PRKCE: variants seen among roughly 807,000 people sequenced by gnomAD.
PRKCE encodes protein kinase C epsilon type.
PRKCE carries 16 observed loss-of-function variants against 85.4 expected under a neutral mutation model. The observed-to-expected ratio is 0.19, with a 90% confidence interval of 0.13 to 0.28. The LOEUF (loss-of-function observed/expected upper bound fraction) is 0.28, where lower values mean the gene tolerates loss of function less well. PRKCE is among the 10% of genes least tolerant of loss of function. The pLI, the probability that PRKCE is intolerant of heterozygous loss-of-function variation, is 1.00. For missense variants in PRKCE, 573 were observed against 975.2 expected, an observed-to-expected ratio of 0.59 and a Z score of 5.49; for synonymous variants, 388 against 371.5, an observed-to-expected ratio of 1.04 and a Z score of -0.51.
At chr2:45,743,858 A>C (rs1030198145) in intron 1 of PRKCE, among the ~76,000 whole-genome samples, 1 of 152,174 alleles carries the variant, frequency 6.6e-6, no homozygotes, top group Non-Finnish European at 1.5e-5. Flanking sequence ...AGAAATAGGA[A>C]ACTGGCCTGG....
chr2:45,937,664 G>A (rs758297787), intron 2 of PRKCE, among the ~76,000 whole-genome samples: 7 of 151,784 alleles, frequency 4.6e-5, no homozygotes, highest in East Asian at 1.9e-4. Flanking sequence ...GTAGTGAGCC[G>A]AGATCATACC....
intron 1 of PRKCE, among the ~76,000 whole-genome samples, chr2:45,826,729 G>A (rs1689971217): frequency 2.0e-5 from 3 of 152,198 alleles, no homozygotes; most frequent in African/African-American, 4.8e-5. Context: ...CTTCTGTTCA[G>A]CCAAGGGCAG....
chr2:45,979,811 A>C (rs1702741536), intron 4 of PRKCE, among the ~76,000 whole-genome samples: 1 of 152,184 alleles, frequency 6.6e-6, no homozygotes, highest in Admixed American at 6.5e-5. Context: ...ATTAAAGTCG[A>C]TGGGAATTTT....
At chr2:45,802,675 C>T (rs1687959377) in intron 1 of PRKCE, among the ~76,000 whole-genome samples, 1 of 152,234 alleles carries the variant, frequency 6.6e-6, no homozygotes, top group Non-Finnish European at 1.5e-5. Context: ...CTCCGCCCCA[C>T]TTCACAGCCC....
chr2:45,908,371 G>T (rs542110531), intron 2 of PRKCE, among the ~76,000 whole-genome samples: 1 of 152,214 alleles, frequency 6.6e-6, no homozygotes, highest in Non-Finnish European at 1.5e-5. Context: ...AAGGACCCTA[G>T]GGTTTAGAGA....
At chr2:46,134,610 C>T (rs771882092) in intron 11 of PRKCE, among the ~76,000 whole-genome samples, 38 of 152,344 alleles carry the variant, frequency 2.5e-4, no homozygotes, top group South Asian at 4.1e-4. Flanking sequence ...AGTTCTTTCA[C>T]GGGCTCCAGC....
intron 1 of PRKCE, among the ~76,000 whole-genome samples, chr2:45,771,120 G>A (rs559151422): frequency 6.6e-6 from 1 of 152,140 alleles, no homozygotes; most frequent in Non-Finnish European, 1.5e-5. Flanking sequence ...CTGGGGAGTA[G>A]AGAATGCAGG....
intron 10 of PRKCE, among the ~76,000 whole-genome samples, chr2:46,082,248 T>C (rs1394729319): frequency 6.6e-6 from 1 of 151,830 alleles, no homozygotes; most frequent in Non-Finnish European, 1.5e-5. Context: ...CAAGGGATGA[T>C]AGTTGCTTGG....
chr2:46,125,203 T>C (rs182640937), intron 11 of PRKCE, among the ~76,000 whole-genome samples: 46 of 152,330 alleles, frequency 3.0e-4, no homozygotes, highest in African/African-American at 9.9e-4. Context: ...GGAAAATGAA[T>C]TGATGGTCAG....
intron 11 of PRKCE, among the ~76,000 whole-genome samples, chr2:46,091,553 G>A (rs969600973): frequency 2.0e-5 from 3 of 152,106 alleles, no homozygotes; most frequent in African/African-American, 4.8e-5. Context: ...AGCCAGGAGC[G>A]CTGTGCAGCA....
At chr2:46,140,340 A>G (rs1031248813) in intron 11 of PRKCE, among the ~76,000 whole-genome samples, 1 of 152,190 alleles carries the variant, frequency 6.6e-6, no homozygotes, top group Non-Finnish European at 1.5e-5. Context: ...GAGTGACGTT[A>G]TAGAATAAAA....
At chr2:46,016,544 C>G (rs1204052844) in intron 10 of PRKCE, among the ~76,000 whole-genome samples, 1 of 152,164 alleles carries the variant, frequency 6.6e-6, no homozygotes, top group Non-Finnish European at 1.5e-5. Flanking sequence ...CTTAATCTAA[C>G]TGCTGCAGCT....
chr2:45,712,860 G>A (rs930017929), intron 1 of PRKCE, among the ~76,000 whole-genome samples: 6 of 152,100 alleles, frequency 3.9e-5, no homozygotes, highest in African/African-American at 1.4e-4. Context: ...GGAGGGCGGG[G>A]ACCATGTGTC....
intron 2 of PRKCE, among the ~76,000 whole-genome samples, chr2:45,865,815 C>CTT (rs36102606): frequency 8.2e-5 from 11 of 133,676 alleles, no homozygotes; most frequent in African/African-American, 2.2e-4. Flanking sequence ...TCTTCTTCTT[C>CTT]TTTTTTTTTT....
chr2:46,152,057 T>C (rs956936692), intron 13 of PRKCE, among the ~76,000 whole-genome samples: 1 of 152,238 alleles, frequency 6.6e-6, no homozygotes, highest in African/African-American at 2.4e-5. Flanking sequence ...TGCCCCAAAA[T>C]TCAATCATTT....
intron 1 of PRKCE, among the ~76,000 whole-genome samples, chr2:45,667,185 C>T (rs1487589918): frequency 1.3e-5 from 2 of 152,094 alleles, no homozygotes; most frequent in Non-Finnish European, 2.9e-5. Context: ...GTGGCACACA[C>T]CTGTAATCCC....
chr2:45,776,336 C>G (rs2104958186), intron 1 of PRKCE, among the ~76,000 whole-genome samples: 1 of 152,346 alleles, frequency 6.6e-6, no homozygotes, highest in East Asian at 1.9e-4. Context: ...TTACTTGAAT[C>G]CCCTACGAGT....
chr2:45,871,821 C>T (rs1335699241), intron 2 of PRKCE, among the ~76,000 whole-genome samples: 1 of 152,140 alleles, frequency 6.6e-6, no homozygotes, highest in African/African-American at 2.4e-5. Flanking sequence ...CTTCTTTCCC[C>T]CCTGCCAGAA....
At chr2:45,858,630 T>C (rs186375106) in intron 2 of PRKCE, among the ~76,000 whole-genome samples, 1 of 152,326 alleles carries the variant, frequency 6.6e-6, no homozygotes, top group Non-Finnish European at 1.5e-5. Flanking sequence ...GGGGAAAGAT[T>C]TTGTAAATAT....
Sources: gnomAD v4.1 joint callset for allele counts (sites outside exome capture counted in the v4.1 genomes callset) on GRCh38, gnomAD v4.1.1 for gene constraint, MANE v1.5 for transcripts, NCBI Gene and HGNC (gene_info 2026-07-23, HGNC 2026-07-21) for gene names.